Variants in SPOCK3 observed in about 807,000 individuals in gnomAD.
The protein encoded by SPOCK3 is SPARC (osteonectin), cwcv and kazal like domains proteoglycan 3.
SPOCK3 carries 30 observed loss-of-function variants against 56.6 expected under a neutral mutation model. The ratio of observed to expected loss-of-function variants is 0.53; its 90% CI spans 0.40 to 0.72. The LOEUF is 0.72. SPOCK3 is among the 30% of genes least tolerant of loss of function. SPOCK3 has a pLI of 0.00. For missense variants in SPOCK3, 527 were observed against 530.0 expected, an observed-to-expected ratio of 0.99 and a Z score of 0.06; for synonymous variants, 196 against 183.3, an observed-to-expected ratio of 1.07 and a Z score of -0.56.
At chr4:166,893,859 TC>T (rs1735057659) in intron 5 of SPOCK3, among the ~76,000 whole-genome samples, 1 of 152,094 alleles carries the variant, frequency 6.6e-6, no homozygotes, top group African/African-American at 2.4e-5. Flanking sequence ...TAAACAGCAT[TC>T]CTCATATTCA....
At chr4:166,876,565 A>G (rs186695655) in intron 6 of SPOCK3, among the ~76,000 whole-genome samples, 1 of 152,118 alleles carries the variant, frequency 6.6e-6, no homozygotes. Context: ...ATGATCCATC[A>G]GGTCTTGGCA....
chr4:166,743,051 T>C lies in SPOCK3; in HGVS notation c.932-992A>G, dbSNP rs930037499. Among the ~76,000 whole-genome samples the C allele has an allele frequency of 4.8e-4, 73 of 152,140 alleles. 2 individuals carry two copies. The highest frequency in any genetic ancestry group is 1.0e-4 in the Non-Finnish European group (7 of 68,010). ...GTGACTTGATTTTGGTGTTCACAAGTGGTCCTGAGATCGATCCCCCTCGGA... is the reference window on the plus strand; with the variant it reads ...GTGACTTGATTTTGGTGTTCACAAGCGGTCCTGAGATCGATCCCCCTCGGA... On this transcript the variant is annotated intron_variant, in intron 8 of 10. Coordinates refer to ENST00000357545, the MANE Select transcript of SPOCK3 (RefSeq NM_001040159.2).
chr4:166,814,071 A>T (rs577205630), intron 6 of SPOCK3, among the ~76,000 whole-genome samples: 1 of 152,244 alleles, frequency 6.6e-6, no homozygotes, highest in South Asian at 2.1e-4. Context: ...TTACAAATTG[A>T]TAACTTTCTG....
intron 5 of SPOCK3, among the ~76,000 whole-genome samples, chr4:166,907,773 T>G (rs1736788127): frequency 6.6e-6 from 1 of 152,132 alleles, no homozygotes; most frequent in African/African-American, 2.4e-5. Context: ...TGAAATTTTA[T>G]GATAAATTTC....
intron 2 of SPOCK3, among the ~76,000 whole-genome samples, chr4:167,171,500 G>T (rs1730493978): frequency 6.6e-6 from 1 of 152,002 alleles, no homozygotes; most frequent in African/African-American, 2.4e-5. Flanking sequence ...GCTTAATCAG[G>T]CCTTATTTTA....
At position 166,734,458 on chromosome 4, in the gene SPOCK3, C is replaced by A. The variant is rs568607861; in HGVS notation, c.*463G>T. On this transcript the variant is annotated 3_prime_UTR_variant, in exon 11 of 11. Coordinates refer to ENST00000357545, the MANE Select transcript of SPOCK3 (RefSeq NM_001040159.2). ...CTCTGTTATCCTGACTCAACTAGGTCTAGCAAGATGCTACTTTGGAAATGC... is the reference window on the plus strand; with the variant it reads ...CTCTGTTATCCTGACTCAACTAGGTATAGCAAGATGCTACTTTGGAAATGC... 6.5e-6 allele frequency: 1 copy of A among 152,982 alleles called. No homozygotes were observed. Among genetic ancestry groups the A allele is most frequent in the East Asian group, 1.9e-4 (1 of 5,224 alleles). 9.5% of individuals were successfully genotyped at this position (152,982 alleles called of 1,614,324 possible).
intron 6 of SPOCK3, among the ~76,000 whole-genome samples, chr4:166,841,651 T>C (rs1312658755): frequency 7.9e-6 from 1 of 125,904 alleles, no homozygotes; most frequent in Non-Finnish European, 1.6e-5. Flanking sequence ...AAAATGTCCA[T>C]AAATGCCCTT....
chr4:166,744,163 G>A (rs1219831682), intron 8 of SPOCK3, among the ~76,000 whole-genome samples: 6 of 152,178 alleles, frequency 3.9e-5, no homozygotes, highest in Non-Finnish European at 8.8e-5. Flanking sequence ...TCCTCAAGTG[G>A]GTCCCTGACC....
chr4:166,897,175 C>A (rs1560984805), intron 5 of SPOCK3, among the ~76,000 whole-genome samples: 1 of 151,988 alleles, frequency 6.6e-6, no homozygotes, highest in Admixed American at 6.6e-5. Context: ...TGTAGTAATT[C>A]TCTCCGCCAT....
At chr4:167,037,059 A>G (rs1166059301) in intron 3 of SPOCK3, among the ~76,000 whole-genome samples, 1 of 152,124 alleles carries the variant, frequency 6.6e-6, no homozygotes. Flanking sequence ...TTTACAAAAG[A>G]GATTGTAGAG....
intron 2 of SPOCK3, among the ~76,000 whole-genome samples, chr4:167,161,688 C>T (rs1433097873): frequency 7.2e-5 from 11 of 152,090 alleles, no homozygotes; most frequent in Admixed American, 7.2e-4. Context: ...GGCACATATA[C>T]ACCATGGAAT....
intron 8 of SPOCK3, 53 bp from the exon 9 acceptor site, chr4:166,742,112 T>G (rs1480643703): frequency 2.3e-6 from 3 of 1,323,692 alleles, no homozygotes; most frequent in Admixed American, 1.8e-5. Context: ...ACAAAGAAAG[T>G]GTAATTTCTA....
intron 7 of SPOCK3, among the ~76,000 whole-genome samples, chr4:166,764,995 G>A (rs1429011235): frequency 1.3e-5 from 2 of 152,144 alleles, no homozygotes; most frequent in Admixed American, 1.3e-4. Flanking sequence ...CTTCTTTTGA[G>A]AAGTGTCTGT....
chr4:167,027,036 T>C (rs999166215), intron 3 of SPOCK3, among the ~76,000 whole-genome samples: 2 of 151,916 alleles, frequency 1.3e-5, no homozygotes, highest in African/African-American at 4.8e-5. Context: ...TTCTTTCATG[T>C]TCTCTCTACC....
intron 2 of SPOCK3, among the ~76,000 whole-genome samples, chr4:167,172,446 A>C (rs1730586982): frequency 6.6e-6 from 1 of 152,196 alleles, no homozygotes. Flanking sequence ...TCCAATGTTT[A>C]TGTATATAAA....
intron 3 of SPOCK3, among the ~76,000 whole-genome samples, chr4:167,042,452 A>G (rs748025196): frequency 2.0e-5 from 3 of 152,156 alleles, no homozygotes; most frequent in Non-Finnish European, 2.9e-5. Context: ...AGTTTGTGAA[A>G]CTATAAAGTT....
intron 5 of SPOCK3, among the ~76,000 whole-genome samples, chr4:166,890,970 CTCT>C: frequency 6.6e-6 from 1 of 152,026 alleles, no homozygotes; most frequent in South Asian, 2.1e-4. Flanking sequence ...AGGATAGTAG[CTCT>C]TCTTGTTGCA....
intron 3 of SPOCK3, among the ~76,000 whole-genome samples, chr4:167,034,214 T>C (rs919200843): frequency 3.9e-5 from 6 of 152,078 alleles, no homozygotes. Context: ...TTAATATACA[T>C]ACACAAAATT....
At chr4:166,802,831 A>C (rs571552500) in intron 6 of SPOCK3, among the ~76,000 whole-genome samples, 1 of 152,254 alleles carries the variant, frequency 6.6e-6, no homozygotes, top group South Asian at 2.1e-4. Context: ...ACAACTTACA[A>C]CTAATTGCCT....
Sources: gnomAD v4.1 joint callset for allele counts (sites outside exome capture counted in the v4.1 genomes callset) on GRCh38, gnomAD v4.1.1 for gene constraint, MANE v1.5 for transcripts, NCBI Gene and HGNC (gene_info 2026-07-23, HGNC 2026-07-21) for gene names.